UBAC2: variants seen among roughly 807,000 people sequenced by gnomAD.
UBAC2 encodes the protein ubiquitin-associated domain-containing protein 2.
A neutral mutation model predicts 44.0 loss-of-function variants in UBAC2; 26 were observed. The observed-to-expected ratio is 0.59, with a 90% CI of 0.43 to 0.82. The LOEUF is 0.82. Among genes scored for constraint, UBAC2 ranks in the 40% least tolerant of loss-of-function variants. The pLI is 0.00. For synonymous variants in UBAC2, 155 were observed against 154.3 expected (o/e 1.00, Z -0.04); for missense variants, 329 against 419.4 (o/e 0.78, Z 1.88).
At chr13:99,290,650 A>C (rs982676767) in intron 4 of UBAC2, among the ~76,000 whole-genome samples, 5 of 150,446 alleles carry the variant, frequency 3.3e-5, no homozygotes, top group African/African-American at 1.2e-4. Context: ...ATTTAAACCC[A>C]GGAGGTGGAG....
At position 99,352,246 on chromosome 13, in the gene UBAC2, G is replaced by A. The variant is rs939639972; in HGVS notation, c.807+11681G>A. The stretch of plus-strand genomic sequence containing the variant: ...TCACCCCCTCGAAGTGTACAGTTCG[G>A]TGGTTTTTAGTATTTTTTAATTGCA... On this transcript the variant is annotated intron_variant, in intron 7 of 8. Coordinates refer to ENST00000403766, the MANE Select transcript of UBAC2 (RefSeq NM_001144072.2). 2.6e-5 allele frequency among the ~76,000 whole-genome samples: 4 copies of A among 152,236 alleles called. No individual in the cohort carries two copies. The South Asian group carries it at 8.3e-4, about 32-fold the overall frequency.
intron 1 of UBAC2, among the ~76,000 whole-genome samples, chr13:99,210,591 C>T (rs982680908): frequency 6.6e-6 from 1 of 151,580 alleles, no homozygotes; most frequent in African/African-American, 2.4e-5. Context: ...GATTCTTCTG[C>T]CTCAGCCTCC....
chr13:99,309,361 G>A (rs1006116260), intron 4 of UBAC2, among the ~76,000 whole-genome samples: 1 of 152,074 alleles, frequency 6.6e-6, no homozygotes, highest in Admixed American at 6.5e-5. Flanking sequence ...TGCCTGCATT[G>A]GCCTCCCAAA....
At chr13:99,289,068 A>G (rs2044057218) in intron 4 of UBAC2, among the ~76,000 whole-genome samples, 1 of 152,208 alleles carries the variant, frequency 6.6e-6, no homozygotes, top group African/African-American at 2.4e-5. Context: ...CACTTACTTC[A>G]CTGACAAGAC....
intron 1 of UBAC2, among the ~76,000 whole-genome samples, chr13:99,212,768 T>C (rs923506537): frequency 4.3e-4 from 65 of 152,228 alleles, no homozygotes; most frequent in Non-Finnish European, 5.9e-4. Flanking sequence ...TGCATATAAA[T>C]ACACATTTTT....
At chr13:99,379,751 C>T (rs552245997) in intron 8 of UBAC2, among the ~76,000 whole-genome samples, 21 of 152,224 alleles carry the variant, frequency 1.4e-4, no homozygotes, top group Non-Finnish European at 2.8e-4. Context: ...ACCATACTCT[C>T]CTGTAAGACG....
chr13:99,245,385 G>A (rs985960195), intron 4 of UBAC2, among the ~76,000 whole-genome samples: 3 of 152,154 alleles, frequency 2.0e-5, no homozygotes, highest in South Asian at 2.1e-4. Context: ...AAACAAAGCC[G>A]GTGTATAGGT....
intron 1 of UBAC2, chr13:99,215,451 G>A: frequency 7.3e-7 from 1 of 1,365,790 alleles, no homozygotes; most frequent in South Asian, 1.2e-5. Flanking sequence ...AGCAATTGTA[G>A]CCTTGATGAG....
At chr13:99,343,096 C>T (rs1242184419) in intron 7 of UBAC2, among the ~76,000 whole-genome samples, 1 of 152,196 alleles carries the variant, frequency 6.6e-6, no homozygotes, top group Non-Finnish European at 1.5e-5. Context: ...CCTGCTTCTG[C>T]AGCTCACCCA....
chr13:99,223,993 G>A (rs1435591594), intron 1 of UBAC2, among the ~76,000 whole-genome samples: 1 of 152,148 alleles, frequency 6.6e-6, no homozygotes, highest in African/African-American at 2.4e-5. Flanking sequence ...TGTCAATCAG[G>A]CCAAATTGGT....
chr13:99,269,489 G>A (rs978940344), intron 4 of UBAC2, among the ~76,000 whole-genome samples: 3 of 152,016 alleles, frequency 2.0e-5, no homozygotes, highest in African/African-American at 4.8e-5. Flanking sequence ...TATAATCTAA[G>A]TGATTGATTT....
intron 4 of UBAC2, among the ~76,000 whole-genome samples, chr13:99,297,983 T>C (rs889150466): frequency 6.6e-6 from 1 of 152,050 alleles, no homozygotes; most frequent in East Asian, 1.9e-4. Flanking sequence ...AATTCAATAT[T>C]AATAGGAATA....
chr13:99,287,643 CTTTTTTTT>C (rs11304203), intron 4 of UBAC2, among the ~76,000 whole-genome samples: 1 of 95,152 alleles, frequency 1.1e-5, no homozygotes, highest in Non-Finnish European at 2.0e-5. Context: ...TTTTTTCTTT[CTTTTTTTT>C]TTTTTTTTTT....
intron 4 of UBAC2, among the ~76,000 whole-genome samples, chr13:99,299,918 C>T (rs1329416679): frequency 6.6e-6 from 1 of 152,202 alleles, no homozygotes; most frequent in East Asian, 1.9e-4. Context: ...AAATGCCATG[C>T]TAGATCCCTC....
intron 4 of UBAC2, among the ~76,000 whole-genome samples, chr13:99,257,905 A>G (rs2043594504): frequency 6.6e-6 from 1 of 152,198 alleles, no homozygotes; most frequent in South Asian, 2.1e-4. Flanking sequence ...GCCTATTTCA[A>G]GGTCTTTCAC....
intron 8 of UBAC2, among the ~76,000 whole-genome samples, chr13:99,373,543 CTG>C (rs2045438199): frequency 6.6e-6 from 1 of 152,170 alleles, no homozygotes; most frequent in Non-Finnish European, 1.5e-5. Context: ...GCGGAATGTC[CTG>C]CCCTGAGGAG....
chr13:99,218,746 G>A (rs2043024137), intron 1 of UBAC2, among the ~76,000 whole-genome samples: 1 of 152,136 alleles, frequency 6.6e-6, no homozygotes, highest in Non-Finnish European at 1.5e-5. Flanking sequence ...TCTAAACACT[G>A]TAGGGAAACA....
At position 99,295,352 on chromosome 13, in the gene UBAC2, A is replaced by G. The variant is rs2044153691; in HGVS notation, c.390-18745A>G. Reference sequence around the variant, plus strand: ...ACGAAGCTTCTTAATCATATGTTGAATAATTGCAACATGGTAAGGTGTGAA... The same window carrying G: ...ACGAAGCTTCTTAATCATATGTTGAGTAATTGCAACATGGTAAGGTGTGAA... On this transcript the variant is annotated intron_variant, in intron 4 of 8. Transcript: ENST00000403766. The surrounding 1 kb of genome is among the most constrained non-coding windows in gnomAD (Gnocchi z 4.1). 1.2e-6 allele frequency: 2 copies of G among 1,614,144 alleles called. No individual in the cohort carries two copies. The highest frequency in any genetic ancestry group is 8.5e-7 in the Non-Finnish European group (1 of 1,179,990).
At chr13:99,335,331 G>A (rs987921516) in intron 6 of UBAC2, among the ~76,000 whole-genome samples, 2 of 151,110 alleles carry the variant, frequency 1.3e-5, no homozygotes, top group African/African-American at 4.9e-5. Context: ...TTTTATATCA[G>A]ATCTTCAGAA....
Sources: allele counts gnomAD v4.1 joint callset (sites outside exome capture counted in the v4.1 genomes callset), GRCh38; gene constraint gnomAD v4.1.1; non-coding constraint Gnocchi (gnomAD v3.1); transcripts MANE v1.5; gene names NCBI Gene and HGNC (gene_info 2026-07-23, HGNC 2026-07-21).